The following ARHGAP24 variants were observed in gnomAD, a reference collection of about 807,000 sequenced individuals.
ARHGAP24 encodes Rho GTPase activating protein 24.
Under a neutral mutation model 76.4 loss-of-function variants are expected in ARHGAP24, and 50 were observed. The ratio of observed to expected loss-of-function variants is 0.65; its 90% CI spans 0.52 to 0.83. The LOEUF is 0.83. Ranked by LOEUF, ARHGAP24 falls within the 40% of genes least tolerant of loss-of-function variation. ARHGAP24 has a pLI of 0.00. For missense variants in ARHGAP24, 930 were observed against 914.2 expected, an observed-to-expected ratio of 1.02 and a Z score of -0.22; for synonymous variants, 345 against 323.3, an observed-to-expected ratio of 1.07 and a Z score of -0.72.
chr4:85,663,709 TTGAGAGTTTTTAGCA>T (rs891825563), intron 2 of ARHGAP24, among the ~76,000 whole-genome samples: 78 of 152,010 alleles, frequency 5.1e-4, no homozygotes, highest in African/African-American at 1.6e-3. Context: ...ATCTAATTTA[TTGAGAGTTTTTAGCA>T]TGAAGGGTTG....
chr4:85,627,946 A>T (rs1247649063), intron 2 of ARHGAP24, among the ~76,000 whole-genome samples: 1 of 152,104 alleles, frequency 6.6e-6, no homozygotes, highest in East Asian at 1.9e-4. Context: ...TTAGGGTGGG[A>T]GTGACCCGAT....
intron 4 of ARHGAP24, among the ~76,000 whole-genome samples, chr4:85,939,052 A>T (rs1736811173): frequency 6.6e-6 from 1 of 152,098 alleles, no homozygotes; most frequent in African/African-American, 2.4e-5. Flanking sequence ...TCCACCATTT[A>T]CTGCTGTGTG....
rs188757143 is a variant in ARHGAP24, at chr4:85,811,827, T to C, written c.268+89855T>C. 2.4e-3 allele frequency among the ~76,000 whole-genome samples: 370 copies of C among 152,310 alleles called. 1 individual carries two copies. The highest frequency in any genetic ancestry group is 8.4e-3 in the African/African-American group (351 of 41,566). ...ATATTGCTCTTCTGTGCTTAATATA[T>C]ATGTATAGAGAAATAAAAGCTGGTA... On this transcript the variant is annotated intron_variant, in intron 3 of 9. Coordinates refer to ENST00000395184, the MANE Select transcript of ARHGAP24 (RefSeq NM_001025616.3).
At chr4:85,918,713 A>G (rs1018618657) in intron 3 of ARHGAP24, among the ~76,000 whole-genome samples, 1 of 152,152 alleles carries the variant, frequency 6.6e-6, no homozygotes, top group African/African-American at 2.4e-5. Context: ...TTTAAGAAAG[A>G]AAAATTTATG....
At chr4:85,779,014 C>A (rs541701931) in intron 3 of ARHGAP24, 15 of 984,204 alleles carry the variant, frequency 1.5e-5, no homozygotes, top group Non-Finnish European at 1.8e-5. Context: ...GTTTTGGGGA[C>A]AAGTATTTAG....
chr4:85,793,289 C>T (rs1052652345), intron 3 of ARHGAP24, among the ~76,000 whole-genome samples: 4 of 152,106 alleles, frequency 2.6e-5, no homozygotes, highest in African/African-American at 9.7e-5. Flanking sequence ...TCATTTACGA[C>T]AAGCTTTTGT....
At chr4:85,556,189 T>G (rs953031538) in intron 1 of ARHGAP24, among the ~76,000 whole-genome samples, 1 of 152,152 alleles carries the variant, frequency 6.6e-6, no homozygotes, top group African/African-American at 2.4e-5. Flanking sequence ...TCTCTCTATA[T>G]AATAACTGTG....
intron 1 of ARHGAP24, among the ~76,000 whole-genome samples, chr4:85,525,495 A>T (rs574751793): frequency 2.0e-5 from 3 of 152,082 alleles, no homozygotes; most frequent in African/African-American, 7.2e-5. Flanking sequence ...AAAAAAAAAA[A>T]GTAAGCATGG....
intron 3 of ARHGAP24, among the ~76,000 whole-genome samples, chr4:85,877,483 G>A (rs1731650117): frequency 1.0e-5 from 1 of 98,828 alleles, no homozygotes; most frequent in African/African-American, 3.7e-5. Flanking sequence ...AAATTAGCTG[G>A]GTGCAGTGAC....
chr4:85,643,234 G>GT (rs70948741), intron 2 of ARHGAP24, among the ~76,000 whole-genome samples: 26 of 54,618 alleles, frequency 4.8e-4, no homozygotes, highest in Non-Finnish European at 7.3e-4. Flanking sequence ...GTTTTTTTGT[G>GT]TTTTTTTTTT....
intron 3 of ARHGAP24, among the ~76,000 whole-genome samples, chr4:85,805,812 G>A (rs1728765000): frequency 6.6e-6 from 1 of 152,212 alleles, no homozygotes; most frequent in South Asian, 2.1e-4. Flanking sequence ...AGGTCAGCCA[G>A]AACCTAGCAG....
intron 2 of ARHGAP24, among the ~76,000 whole-genome samples, chr4:85,626,613 A>T (rs1720963415): frequency 6.6e-6 from 1 of 152,148 alleles, no homozygotes; most frequent in Non-Finnish European, 1.5e-5. Flanking sequence ...CTGAATCTGA[A>T]TGTTGGCCTG....
intron 3 of ARHGAP24, among the ~76,000 whole-genome samples, chr4:85,764,154 C>T (rs1296630485): frequency 1.3e-5 from 2 of 151,752 alleles, no homozygotes; most frequent in African/African-American, 4.8e-5. Context: ...TGATGGTTTC[C>T]TTTTACCACC....
intron 1 of ARHGAP24, among the ~76,000 whole-genome samples, chr4:85,517,332 T>C (rs2110109060): frequency 6.6e-6 from 1 of 152,298 alleles, no homozygotes; most frequent in Admixed American, 6.5e-5. Flanking sequence ...AGTAGAATTA[T>C]CATATTTTTT....
chr4:85,793,663 G>C (rs1728223359), intron 3 of ARHGAP24, among the ~76,000 whole-genome samples: 1 of 152,054 alleles, frequency 6.6e-6, no homozygotes, highest in Non-Finnish European at 1.5e-5. Flanking sequence ...ATATGTGAGG[G>C]AATGAGATTA....
intron 2 of ARHGAP24, among the ~76,000 whole-genome samples, chr4:85,607,178 A>G (rs554101698): frequency 6.6e-6 from 1 of 152,120 alleles, no homozygotes; most frequent in Admixed American, 6.5e-5. Context: ...TAGAGTCTGT[A>G]TCAGGGCCAG....
intron 3 of ARHGAP24, among the ~76,000 whole-genome samples, chr4:85,918,464 T>C (rs1379464316): frequency 6.6e-6 from 1 of 151,996 alleles, no homozygotes; most frequent in East Asian, 1.9e-4. Flanking sequence ...AGTATAATTT[T>C]TGAAATTATT....
At chr4:85,543,449 G>T (rs60617422) in intron 1 of ARHGAP24, among the ~76,000 whole-genome samples, 18,775 of 152,104 alleles carry the variant, frequency 0.12, 3,265 homozygotes, top group African/African-American at 0.39. Flanking sequence ...GAAATGTTTT[G>T]GTTGTGGGAG....
Position 85,546,751 on chromosome 4 carries a change from C to G in ARHGAP24, c.-20-23771C>G, listed in dbSNP as rs191436669. ...AACATAATTTGCATCTCATTAGTAT[C>G]TTCTTGCACTAAGCCATGTGTGTTG... On this transcript the variant is annotated intron_variant, in intron 1 of 9. Coordinates refer to ENST00000395184, the MANE Select transcript of ARHGAP24 (RefSeq NM_001025616.3). Among the ~76,000 whole-genome samples the G allele has an allele frequency of 2.2e-4, 34 of 152,292 alleles. No individual in the cohort carries two copies. The East Asian group carries it at 6.0e-3, about 27-fold the overall frequency.
Sources: gnomAD v4.1 joint callset for allele counts (sites outside exome capture counted in the v4.1 genomes callset) on GRCh38, gnomAD v4.1.1 for gene constraint, MANE v1.5 for transcripts, NCBI Gene and HGNC (gene_info 2026-07-23, HGNC 2026-07-21) for gene names.